The following SLU7 variants were observed in gnomAD, a reference collection of about 807,000 sequenced individuals.
SLU7 encodes spliceosome associated SLU7, also known as pre-mRNA-splicing factor SLU7.
In SLU7, 60 loss-of-function variants were observed where a neutral mutation model predicts 87.0. The ratio of observed to expected loss-of-function variants is 0.69; its 90% CI spans 0.56 to 0.86. The LOEUF (loss-of-function observed/expected upper bound fraction) is 0.86. SLU7 is among the 40% of genes least tolerant of loss of function. SLU7 has a pLI of 0.00. For synonymous variants in SLU7, 197 were observed against 222.0 expected, an observed-to-expected ratio of 0.89 and a Z score of 1.00; for missense variants, 507 against 686.6, an observed-to-expected ratio of 0.74 and a Z score of 2.92.
rs751291572 is a variant in SLU7 at position 160,412,490 on chromosome 5, G to C, written c.600C>G (p.Leu200=). 1 of 1,471,096 alleles carries C rather than the reference G, an allele frequency of 6.8e-7. No individual in the cohort carries two copies. The highest frequency in any genetic ancestry group is 2.4e-5 in the East Asian group (1 of 42,016). The allele number at this position is 1,471,096 out of a possible 1,614,324, so 91.1% of individuals were successfully genotyped here. A position where few individuals can be genotyped will look rare whatever the true frequency, so the allele number is the denominator to read the frequency against. ...ATTTTCCTGAGGCTAATTCCTCTTG[G>C]AGTTTCTGGGCTTTCAATGTTCGTT... ...LAKRTLKAQK[L]QEELASGKLV... Residue 200 remains leucine, a synonymous_variant, in exon 6 of 16, where the codon CTC becomes CTG. Coordinates refer to ENST00000297151, the MANE Select transcript of SLU7 (RefSeq NM_006425.5).
intron 15 of SLU7, 136 bp downstream of exon 15, chr5:160,404,304 G>A (rs1764906427): frequency 1.7e-6 from 1 of 604,480 alleles, no homozygotes; most frequent in East Asian, 2.8e-5. Context: ...GGTGGAGCTT[G>A]CAGTGAGCTG....
chr5:160,415,457 C>T (rs1156286091), intron 1 of SLU7, 147 bp from the exon 2 acceptor site: 2 of 502,000 alleles, frequency 4.0e-6, no homozygotes, highest in East Asian at 6.7e-5. Flanking sequence ...TCCCCCTCCT[C>T]AAGGTCTCTA....
chr5:160,413,066 C>T (rs1765305986), intron 5 of SLU7, among the ~76,000 whole-genome samples: 1 of 152,096 alleles, frequency 6.6e-6, no homozygotes, highest in South Asian at 2.1e-4. Flanking sequence ...TTATCCATTC[C>T]CTTTCTACTA....
At chr5:160,404,703 C>A (rs957993860) in intron 14 of SLU7, 106 bp downstream of exon 14, 2 of 922,256 alleles carry the variant, frequency 2.2e-6, no homozygotes, top group Non-Finnish European at 3.4e-6. Context: ...CGAGCCTGGG[C>A]GACAGAATGA....
rs753213698 is a variant in SLU7, at chr5:160,404,480, T to A, written c.1541A>T (p.Asp514Val). The change falls in exon 15 of 16, where the codon GAT (aspartate) becomes GTT (valine). Residue 514 changes from aspartate to valine, a missense_variant. Physicochemically the swap from Asp to Val is radical, Grantham distance 152 (BLOSUM62 -3). This residue lies in a region of SLU7 where 201 missense variants were observed against 213.4 expected (regional missense o/e 0.94). Transcript: ENST00000297151. ...KKKKHRKSSSDSDDEEKKHEK... is the reference protein window; with the variant it reads ...KKKKHRKSSSVSDDEEKKHEK... ...ATGCTTCTTTTCTTCATCATCACTA[T>A]CTGAACTGCTCTTTCGATGCTTCTT... The A allele has an allele frequency of 3.2e-5, 52 of 1,610,954 alleles. No homozygotes were observed. The highest frequency in any genetic ancestry group is 4.2e-5 in the Non-Finnish European group (50 of 1,178,216).
rs957993860 is a variant in SLU7, at chr5:160,404,703, C to T, written c.1464+106G>A. The T allele has an allele frequency of 4.2e-5, 39 of 922,380 alleles. No individual in the cohort carries two copies. In the Middle Eastern group the frequency reaches 1.8e-3, roughly 42 times the overall value. The allele number at this position is 922,380 out of a possible 1,614,324, so 57.1% of individuals were successfully genotyped here. A position where few individuals can be genotyped will look rare whatever the true frequency, so the allele number is the denominator to read the frequency against. ...ACCGTGCACTGCGCTCGAGCCTGGG[C>T]GACAGAATGAGATTCTGTTTCAAAA... On this transcript the variant is annotated intron_variant, in intron 14 of 15. Coordinates refer to ENST00000297151, the MANE Select transcript of SLU7 (RefSeq NM_006425.5).
intron 5 of SLU7, among the ~76,000 whole-genome samples, chr5:160,412,740 G>T (rs1445738129): frequency 6.6e-6 from 1 of 152,032 alleles, no homozygotes; most frequent in Non-Finnish European, 1.5e-5. Context: ...GTTTGAACCA[G>T]GCATTAATGT....
At chr5:160,408,251 T>A in intron 8 of SLU7, 78 bp downstream of exon 8, 2 of 1,448,156 alleles carry the variant, frequency 1.4e-6, no homozygotes, top group Admixed American at 3.9e-5. Flanking sequence ...ATTATCCATA[T>A]GCTACCCAGA....
intron 12 of SLU7, 92 bp from the exon 13 acceptor site, chr5:160,405,227 T>C: frequency 1.1e-6 from 1 of 878,178 alleles, no homozygotes. Context: ...ATACAGCCCA[T>C]TAAAGGTAAT....
At position 160,407,869 on chromosome 5, in the gene SLU7, G is replaced by A. The variant is rs1459790237; in HGVS notation, c.918-56C>T. On this transcript the variant is annotated intron_variant, in intron 9 of 15. Transcript: ENST00000297151. This position sits in a 1 kb window ranked among gnomAD's most constrained non-coding sequence, Gnocchi z 4.2. The stretch of plus-strand genomic sequence containing the variant: ...AGATTGATTTAAGGAAAATTAATTC[G>A]TAAAACTGAATCTGAATTAAAATGA... 1.2e-5 allele frequency: 18 copies of A among 1,501,106 alleles called. No individual in the cohort carries two copies. Among genetic ancestry groups the A allele is most frequent in the African/African-American group, 6.9e-5 (5 of 72,300 alleles). The allele number at this position is 1,501,106 out of a possible 1,614,324, so 93.0% of individuals were successfully genotyped here.
rs113555984 is a variant in SLU7 at position 160,407,837 on chromosome 5, G to A, written c.918-24C>T. ...CTCTGTAAATACAAATAAAGAAAAT[G>A]TTTCAGAGATTGATTTAAGGAAAAT... On this transcript the variant is annotated intron_variant, in intron 9 of 15. Transcript: ENST00000297151. The surrounding 1 kb of genome is among the most constrained non-coding windows in gnomAD (Gnocchi z 4.2). 12 of 1,583,368 alleles carry A rather than the reference G, an allele frequency of 7.6e-6. No homozygotes were observed. The African/African-American group carries it at 8.1e-5, about 11-fold the overall frequency.
intron 3 of SLU7, 60 bp downstream of exon 3, chr5:160,414,259 C>A (rs1262503759): frequency 3.7e-6 from 5 of 1,353,878 alleles, no homozygotes; most frequent in Non-Finnish European, 9.9e-7. Context: ...ATTAAAAATT[C>A]TTACATTAAG....
Position 160,408,669 on chromosome 5 carries a change from T to A in SLU7, c.668A>T (p.Glu223Val). 1.3e-6 allele frequency: 2 copies of A among 1,575,400 alleles called. No individual in the cohort carries two copies. The highest frequency in any genetic ancestry group is 1.7e-6 in the Non-Finnish European group (2 of 1,153,250). ...TATTACCATCTGAGAATTTGGTTCC[T>A]CTTCTCCCCACTGGTGTTTTGGAGA... ...ANSPKHQWGE[E>V]EPNSQMEKDH... The change falls in exon 7 of 16, where the codon GAG becomes GTG. Residue 223 changes from glutamate (E) to valine (V), a missense_variant. Around this residue, in one of 6 missense-constraint regions of SLU7, gnomAD observed 155 missense variants for 154.4 expected, o/e 1.00. Transcript: ENST00000297151.
chr5:160,403,561 T>G, intron 15 of SLU7, 97 bp from the exon 16 acceptor site: 1 of 1,054,946 alleles, frequency 9.5e-7, no homozygotes, highest in South Asian at 2.0e-5. Flanking sequence ...GAATATGAAC[T>G]GCTCTATCAA....
Position 160,403,313 on chromosome 5 carries a change from T to A in SLU7, c.1733A>T (p.Asp578Val). The change falls in exon 16 of 16, where the codon GAC becomes GTC. Residue 578 changes from aspartate to valine, a missense_variant. Asp to Val is a radical substitution (Grantham distance 152). Coordinates refer to ENST00000297151, the MANE Select transcript of SLU7 (RefSeq NM_006425.5). ...CTGTCCAAGGAAAGAGGCCATGGGG[T>A]CATCTGGCCTCTGACGTTTCATTCT... ...AYRMKRQRPD[D>V]PMASFLGQ 6.2e-7 allele frequency: 1 copy of A among 1,607,982 alleles called. No individual in the cohort carries two copies. Among genetic ancestry groups the A allele is most frequent in the Non-Finnish European group, 8.5e-7 (1 of 1,177,336 alleles).
At chr5:160,416,586 C>A (rs1056781521) in intron 1 of SLU7, among the ~76,000 whole-genome samples, 16 of 152,238 alleles carry the variant, frequency 1.1e-4, no homozygotes, top group African/African-American at 3.4e-4. Flanking sequence ...CAACACCATC[C>A]GTCCCTTTAC....
At chr5:160,405,201 A>T (rs1764959755) in intron 12 of SLU7, 66 bp from the exon 13 acceptor site, 3 of 1,088,218 alleles carry the variant, frequency 2.8e-6, no homozygotes, top group Admixed American at 1.8e-5. Flanking sequence ...TATACTGTTG[A>T]TAAGAGTATA....
At position 160,407,487 on chromosome 5, in the gene SLU7, T is replaced by C; in HGVS notation, c.1114A>G (p.Ile372Val). 2 of 1,607,504 alleles carry C rather than the reference T, an allele frequency of 1.2e-6. No homozygotes were observed. Among genetic ancestry groups the C allele is most frequent in the East Asian group, 2.2e-5 (1 of 44,854 alleles). The change falls in exon 11 of 16, where the codon ATC becomes GTC. Residue 372 changes from isoleucine to valine, a missense_variant. Physicochemically the swap from Ile to Val is conservative, Grantham distance 29. This residue lies in a region of SLU7 where 43 missense variants were observed against 58.4 expected (regional missense o/e 0.74). Transcript: ENST00000297151. The surrounding 1 kb of genome is among the most constrained non-coding windows in gnomAD (Gnocchi z 4.2). ...TTGGTCAAAATTACCTTTTCCAGGA[T>C]GCTTTCTTTCTGCTGTTCTTTGAAA... is the stretch of plus-strand genomic sequence containing the variant. Reference protein sequence around the residue: ...EDFKEQQKESILEKYGGQEHL... With the variant: ...EDFKEQQKESVLEKYGGQEHL...
Position 160,403,394 on chromosome 5 carries a change from G to A in SLU7, c.1652C>T (p.Pro551Leu). 7.4e-6 allele frequency: 12 copies of A among 1,613,356 alleles called. No homozygotes were observed. The highest frequency in any genetic ancestry group is 1.0e-5 in the Non-Finnish European group (12 of 1,179,764). The change falls in exon 16 of 16, where the codon CCT (proline) becomes CTT (leucine). Residue 551 changes from proline (P) to leucine (L), a missense_variant. Around this residue, in one of 6 missense-constraint regions of SLU7, gnomAD observed 201 missense variants for 213.4 expected, o/e 0.94. Coordinates refer to ENST00000297151, the MANE Select transcript of SLU7 (RefSeq NM_006425.5). ...TCGAGTTTCATACATGCTATTGTAA[G>A]GCCGCTTCCTCTCATCAATCTGCAT... ...ETMQIDERKR[P>L]YNSMYETREP...
Sources: gnomAD v4.1 joint callset for allele counts (sites outside exome capture counted in the v4.1 genomes callset) on GRCh38, gnomAD v4.1.1 for gene constraint, gnomAD v4.1.1 regional missense constraint, Gnocchi (gnomAD v3.1) non-coding constraint, MANE v1.5 for transcripts, NCBI Gene and HGNC (gene_info 2026-07-23, HGNC 2026-07-21) for gene names.